AUTS2: variants seen among roughly 807,000 people sequenced by gnomAD.
AUTS2 encodes activator of transcription and developmental regulator AUTS2, also known as autism susceptibility gene 2 protein.
AUTS2 carries 17 observed loss-of-function variants against 112.4 expected under a neutral mutation model. The ratio of observed to expected loss-of-function variants is 0.15; its 90% CI spans 0.10 to 0.23. The LOEUF (loss-of-function observed/expected upper bound fraction) is 0.23. Among genes scored for constraint, AUTS2 ranks in the 10% least tolerant of loss-of-function variants. The probability of loss-of-function intolerance (pLI) is 1.00; values close to 1 mark genes in which losing one functional copy is unlikely to be tolerated. For synonymous variants in AUTS2, 751 were observed against 702.7 expected, an observed-to-expected ratio of 1.07 and a Z score of -1.09; for missense variants, 1,510 against 1,701.6, an observed-to-expected ratio of 0.89 and a Z score of 1.98.
intron 6 of AUTS2, among the ~76,000 whole-genome samples, chr7:70,701,649 C>T (rs1357105003): frequency 1.3e-5 from 2 of 152,184 alleles, no homozygotes; most frequent in Admixed American, 1.3e-4. Flanking sequence ...TCAAACAGCA[C>T]ATGCTTGCAT....
intron 4 of AUTS2, among the ~76,000 whole-genome samples, chr7:70,414,345 T>C (rs1294692250): frequency 6.6e-6 from 1 of 152,204 alleles, no homozygotes; most frequent in Non-Finnish European, 1.5e-5. Context: ...AGCAAAGCTT[T>C]TGTAGCGATG....
At chr7:70,700,708 C>T (rs891863020) in intron 6 of AUTS2, among the ~76,000 whole-genome samples, 4 of 152,110 alleles carry the variant, frequency 2.6e-5, no homozygotes, top group Non-Finnish European at 5.9e-5. Flanking sequence ...CATTGTGTAG[C>T]GATAATGTCA....
At chr7:70,751,767 C>G (rs1360281400) in intron 6 of AUTS2, among the ~76,000 whole-genome samples, 3 of 152,170 alleles carry the variant, frequency 2.0e-5, no homozygotes, top group African/African-American at 7.2e-5. Flanking sequence ...GTTGCCAAGG[C>G]TGGAGTGCAG....
chr7:70,622,007 C>T lies in AUTS2; in HGVS notation c.691-76562C>T, dbSNP rs117420748. On this transcript the variant is annotated intron_variant, in intron 5 of 18. Coordinates refer to ENST00000342771, the MANE Select transcript of AUTS2 (RefSeq NM_015570.4). The stretch of plus-strand genomic sequence containing the variant: ...GACTACAGGTGTGCGTCACGACACC[C>T]GGCTAATTGGTGTATTTTTTAGTAG... Among the ~76,000 whole-genome samples, 495 of 151,752 alleles carry T rather than the reference C, an allele frequency of 3.3e-3. 11 individuals carry two copies. The East Asian group carries it at 0.049, about 15-fold the overall frequency.
At chr7:70,055,288 G>A (rs771235190) in intron 2 of AUTS2, among the ~76,000 whole-genome samples, 1 of 152,162 alleles carries the variant, frequency 6.6e-6, no homozygotes, top group Non-Finnish European at 1.5e-5. Flanking sequence ...TACAAAATTA[G>A]CTGGACGTGG....
At chr7:69,860,079 G>A (rs576428692) in intron 1 of AUTS2, among the ~76,000 whole-genome samples, 6 of 151,932 alleles carry the variant, frequency 3.9e-5, no homozygotes, top group African/African-American at 1.2e-4. Context: ...TTTATTTTCT[G>A]TCTCTGATGC....
intron 2 of AUTS2, among the ~76,000 whole-genome samples, chr7:70,057,988 T>C (rs1307630631): frequency 1.3e-5 from 2 of 152,160 alleles, no homozygotes; most frequent in Non-Finnish European, 2.9e-5. Context: ...GTGATATATC[T>C]ATCATGGTAA....
At position 70,777,270 on chromosome 7, in the gene AUTS2, A is replaced by AT; in HGVS notation, c.2004+100dup. On this transcript the variant is annotated intron_variant, in intron 14 of 18. Transcript: ENST00000342771. Reference sequence around the variant, plus strand: ...CTGATGAAGGAGGCATTTAAAACACATTTTACAGACCCATAGTTAGGAAGG... The same window carrying AT: ...CTGATGAAGGAGGCATTTAAAACACATTTTTACAGACCCATAGTTAGGAAGG... 3.7e-6 allele frequency: 4 copies of AT among 1,092,600 alleles called. No individual in the cohort carries two copies. In the South Asian group the frequency reaches 5.1e-5, roughly 14 times the overall value. The allele number at this position is 1,092,600 out of a possible 1,614,324, so 67.7% of individuals were successfully genotyped here.
intron 1 of AUTS2, among the ~76,000 whole-genome samples, chr7:69,664,514 G>A (rs1386300738): frequency 2.0e-5 from 3 of 152,166 alleles, no homozygotes. Context: ...CCACAAAACT[G>A]TTGAACAAAT....
intron 2 of AUTS2, among the ~76,000 whole-genome samples, chr7:70,105,768 T>G (rs1428401960): frequency 1.3e-5 from 2 of 152,162 alleles, no homozygotes; most frequent in Non-Finnish European, 2.9e-5. Flanking sequence ...TCTCAGCTAA[T>G]GTCATCTTGG....
At chr7:69,651,157 T>C (rs1653342588) in intron 1 of AUTS2, among the ~76,000 whole-genome samples, 1 of 152,210 alleles carries the variant, frequency 6.6e-6, no homozygotes, top group Admixed American at 6.5e-5. Context: ...TGCCTGGGCG[T>C]GACTGGTCTG....
intron 5 of AUTS2, among the ~76,000 whole-genome samples, chr7:70,528,482 A>G (rs1233992114): frequency 3.3e-5 from 5 of 152,186 alleles, no homozygotes; most frequent in Non-Finnish European, 7.3e-5. Context: ...GAAGTAAGTA[A>G]TGTATGAAAT....
At chr7:69,959,295 G>C (rs1340094826) in intron 2 of AUTS2, among the ~76,000 whole-genome samples, 2 of 152,190 alleles carry the variant, frequency 1.3e-5, no homozygotes, top group African/African-American at 4.8e-5. Context: ...GAGCCTGCTG[G>C]TGCCAGAAAC....
intron 10 of AUTS2, among the ~76,000 whole-genome samples, chr7:70,769,908 T>A (rs1217358103): frequency 6.6e-6 from 1 of 152,200 alleles, no homozygotes; most frequent in Non-Finnish European, 1.5e-5. Context: ...ATTTATATTC[T>A]AAGAGGTCAA....
chr7:69,703,278 A>T (rs2129190802), intron 1 of AUTS2, among the ~76,000 whole-genome samples: 1 of 152,258 alleles, frequency 6.6e-6, no homozygotes, highest in South Asian at 2.1e-4. Context: ...CAACTTGTTT[A>T]ACCTCCCCCA....
chr7:69,849,965 G>A (rs1175567012), intron 1 of AUTS2, among the ~76,000 whole-genome samples: 1 of 152,084 alleles, frequency 6.6e-6, no homozygotes, highest in Non-Finnish European at 1.5e-5. Context: ...ACTCAGGATT[G>A]TAATTGCTGA....
At chr7:70,303,310 T>C (rs1409471865) in intron 4 of AUTS2, among the ~76,000 whole-genome samples, 3 of 152,204 alleles carry the variant, frequency 2.0e-5, no homozygotes, top group Non-Finnish European at 4.4e-5. Context: ...TTTCCTGCCC[T>C]CAAGAGGTTT....
At chr7:70,479,191 T>G (rs1797696870) in intron 5 of AUTS2, among the ~76,000 whole-genome samples, 1 of 152,310 alleles carries the variant, frequency 6.6e-6, no homozygotes, top group South Asian at 2.1e-4. Context: ...TTTTAATGAC[T>G]TTTTAAAATC....
At chr7:69,759,737 T>A (rs1029577639) in intron 1 of AUTS2, among the ~76,000 whole-genome samples, 1 of 99,766 alleles carries the variant, frequency 1.0e-5, no homozygotes, top group Non-Finnish European at 2.0e-5. Context: ...GCCCCCACTT[T>A]ATTTGCTGTT....
Sources: allele counts gnomAD v4.1 joint callset (sites outside exome capture counted in the v4.1 genomes callset), GRCh38; gene constraint gnomAD v4.1.1; transcripts MANE v1.5; gene names NCBI Gene and HGNC (gene_info 2026-07-23, HGNC 2026-07-21).